Variants in CREB5 observed in about 807,000 individuals in gnomAD.
The protein encoded by CREB5 is cAMP responsive element binding protein 5.
Under a neutral mutation model 57.1 loss-of-function variants are expected in CREB5, and 19 were observed. The observed-to-expected ratio is 0.33, with a 90% CI of 0.23 to 0.49. CREB5 has a LOEUF of 0.49. Among genes scored for constraint, CREB5 ranks in the 20% least tolerant of loss-of-function variants. The pLI is 0.99. For missense variants in CREB5, 579 were observed against 671.6 expected (o/e 0.86, Z 1.52); for synonymous variants, 238 against 238.3 (o/e 1.00, Z 0.01).
intron 1 of CREB5, among the ~76,000 whole-genome samples, chr7:28,443,033 A>G (rs1399635319): frequency 6.6e-6 from 1 of 152,214 alleles, no homozygotes; most frequent in African/African-American, 2.4e-5. Context: ...AATCTTCAGA[A>G]CAACTCTATA....
chr7:28,385,504 C>G lies in CREB5; in HGVS notation c.-25+86063C>G, dbSNP rs59661956. Among the ~76,000 whole-genome samples the G allele has an allele frequency of 7.2e-3, 1,092 of 152,046 alleles. 15 individuals carry two copies. Among genetic ancestry groups the G allele is most frequent in the African/African-American group, 0.025 (1,046 of 41,498 alleles). On this transcript the variant is annotated intron_variant, in intron 1 of 9. Transcript: ENST00000396299. Reference sequence around the variant, plus strand: ...ACAGCCTGGGCAACATGGTGAAACCCTGTCTCTACAAAAAATAAAAAATTA... The same window carrying G: ...ACAGCCTGGGCAACATGGTGAAACCGTGTCTCTACAAAAAATAAAAAATTA...
rs146331705 is a variant in CREB5, at chr7:28,483,697, T to C, written c.4-4478T>C. On this transcript the variant is annotated intron_variant, in intron 1 of 10. Coordinates refer to ENST00000357727, the MANE Select transcript of CREB5 (RefSeq NM_182898.4). ...TCATACTCAGCCCACATGTGGTTAA[T>C]AGACTGGACTTTAATGATGCCAATG... is the stretch of plus-strand genomic sequence containing the variant. Among the ~76,000 whole-genome samples, 127 of 152,312 alleles carry C rather than the reference T, an allele frequency of 8.3e-4. 2 individuals carry two copies. Among genetic ancestry groups the C allele is most frequent in the African/African-American group, 3.0e-3 (125 of 41,560 alleles).
chr7:28,555,680 GCAAA>G (rs929960240), intron 4 of CREB5, among the ~76,000 whole-genome samples: 1 of 151,848 alleles, frequency 6.6e-6, no homozygotes, highest in Non-Finnish European at 1.5e-5. Context: ...AAAAAAACAG[GCAAA>G]CAAACACATA....
intron 7 of CREB5, among the ~76,000 whole-genome samples, chr7:28,743,412 A>G (rs556773994): frequency 7.0e-4 from 106 of 152,268 alleles, no homozygotes; most frequent in Admixed American, 3.6e-3. Context: ...GTGCACCTGT[A>G]GTCCCAGCTA....
rs1249574984 is a variant in CREB5, at chr7:28,494,847, G to GT, written c.76-53dup. The GT allele has an allele frequency of 2.2e-5, 24 of 1,109,790 alleles. No homozygotes were observed. The African/African-American group carries it at 3.6e-4, about 17-fold the overall frequency. 68.7% of individuals were successfully genotyped at this position (1,109,790 alleles called of 1,614,324 possible). A position where few individuals can be genotyped will look rare whatever the true frequency, so the allele number is the denominator to read the frequency against. On this transcript the variant is annotated intron_variant, in intron 2 of 10. Transcript: ENST00000357727. ...TCTTTTTCTCAATAATGGTAAATAT[G>GT]TTTTTTAAAACTGAATGGCTCCTCT...
intron 1 of CREB5, among the ~76,000 whole-genome samples, chr7:28,306,549 T>TTTTTTG (rs1346912729): frequency 5.4e-5 from 2 of 36,910 alleles, no homozygotes; most frequent in Non-Finnish European, 6.2e-5. Flanking sequence ...CAGTTTTGTT[T>TTTTTTG]TTTTTGTTTT....
intron 1 of CREB5, among the ~76,000 whole-genome samples, chr7:28,473,514 G>A (rs1490818250): frequency 6.6e-6 from 1 of 152,160 alleles, no homozygotes; most frequent in Non-Finnish European, 1.5e-5. Flanking sequence ...TGAGAACAGA[G>A]GCCTCATCCT....
At chr7:28,773,407 T>C (rs1437236812) in intron 7 of CREB5, among the ~76,000 whole-genome samples, 1 of 152,234 alleles carries the variant, frequency 6.6e-6, no homozygotes, top group African/African-American at 2.4e-5. Context: ...GCTATTCTTA[T>C]AAATTATTAA....
At chr7:28,564,071 G>GT (rs34823166) in intron 4 of CREB5, among the ~76,000 whole-genome samples, 38,110 of 152,106 alleles carry the variant, frequency 0.25, 4,994 homozygotes, top group African/African-American at 0.27. Flanking sequence ...CTTCCAGAGG[G>GT]TTAGAACCTT....
intron 10 of CREB5, chr7:28,818,705 T>G: frequency 2.2e-6 from 1 of 458,250 alleles, no homozygotes; most frequent in Non-Finnish European, 4.4e-6. Flanking sequence ...GTAGGGATGG[T>G]GGGAGGAGCA....
At chr7:28,605,816 C>T (rs774273927) in intron 5 of CREB5, among the ~76,000 whole-genome samples, 2 of 152,118 alleles carry the variant, frequency 1.3e-5, no homozygotes, top group Non-Finnish European at 2.9e-5. Flanking sequence ...GACATGAAAC[C>T]CTAGAACAGG....
intron 1 of CREB5, among the ~76,000 whole-genome samples, chr7:28,325,690 T>C (rs1785584751): frequency 6.6e-6 from 1 of 152,162 alleles, no homozygotes; most frequent in African/African-American, 2.4e-5. Flanking sequence ...AAGGGACCCT[T>C]ACTCTAGGTT....
intron 5 of CREB5, among the ~76,000 whole-genome samples, chr7:28,607,261 G>T (rs1020163127): frequency 3.3e-5 from 5 of 152,158 alleles, no homozygotes; most frequent in African/African-American, 9.7e-5. Flanking sequence ...AGAAATCTGA[G>T]CTTGTGGATA....
In CREB5 at chr7:28,421,515, T is replaced by A. The variant is rs2128009817; in HGVS notation, c.3+8598T>A. Among the ~76,000 whole-genome samples the A allele has an allele frequency of 2.0e-5, 3 of 152,126 alleles. No homozygotes were observed. The South Asian group carries it at 6.2e-4, about 32-fold the overall frequency. On this transcript the variant is annotated intron_variant, in intron 1 of 10. Coordinates refer to ENST00000357727, the MANE Select transcript of CREB5 (RefSeq NM_182898.4). ...GGAAGGTCAAAAATCTAAACAGGAC[T>A]TTTGCACTTTGGGATAATGTAGACA...
intron 1 of CREB5, among the ~76,000 whole-genome samples, chr7:28,353,591 C>G (rs1786279351): frequency 6.6e-6 from 1 of 152,042 alleles, no homozygotes; most frequent in Non-Finnish European, 1.5e-5. Context: ...CACCTGTAAT[C>G]CCAGCACTTT....
chr7:28,796,379 G>A (rs1191342485), intron 7 of CREB5, among the ~76,000 whole-genome samples: 4 of 151,948 alleles, frequency 2.6e-5, no homozygotes, highest in African/African-American at 7.3e-5. Flanking sequence ...TCCTTTGTAC[G>A]GACAAATAAT....
rs971840976 is a variant in CREB5, at chr7:28,412,526, A to G, written c.-389A>G. ...GTAGCTGCTTGCGAGGTGTTCTTCAACATTTACAACAAAGTTGATTCTGTG... is the reference window on the plus strand; with the variant it reads ...GTAGCTGCTTGCGAGGTGTTCTTCAGCATTTACAACAAAGTTGATTCTGTG... On this transcript the variant is annotated 5_prime_UTR_variant, in exon 1 of 11. Transcript: ENST00000357727. The G allele has an allele frequency of 5.9e-6, 1 of 169,466 alleles. No individual in the cohort carries two copies. The highest frequency in any genetic ancestry group is 1.3e-5 in the Non-Finnish European group (1 of 79,802). 10.5% of individuals were successfully genotyped at this position (169,466 alleles called of 1,614,324 possible). A position where few individuals can be genotyped will look rare whatever the true frequency, so the allele number is the denominator to read the frequency against.
intron 5 of CREB5, among the ~76,000 whole-genome samples, chr7:28,640,591 G>A (rs1381838014): frequency 6.6e-6 from 1 of 152,096 alleles, no homozygotes; most frequent in Non-Finnish European, 1.5e-5. Context: ...TCACAAGAAA[G>A]AACTATGAAA....
rs1170290245 is a variant in CREB5, at chr7:28,464,072, T to C, written c.4-24103T>C. Reference sequence around the variant, plus strand: ...ATTTTTGTTGTGTGTAGTTTTTCTTTTTGTAGGCAGCTTTGATGCAGTTTT... The same window carrying C: ...ATTTTTGTTGTGTGTAGTTTTTCTTCTTGTAGGCAGCTTTGATGCAGTTTT... On this transcript the variant is annotated intron_variant, in intron 1 of 10. Transcript: ENST00000357727. 6.6e-5 allele frequency among the ~76,000 whole-genome samples: 10 copies of C among 152,200 alleles called. 1 individual carries two copies. The highest frequency in any genetic ancestry group is 5.9e-4 in the Admixed American group (9 of 15,276).
Sources: gnomAD v4.1 joint callset for allele counts (sites outside exome capture counted in the v4.1 genomes callset) on GRCh38, gnomAD v4.1.1 for gene constraint, MANE v1.5 for transcripts, NCBI Gene and HGNC (gene_info 2026-07-23, HGNC 2026-07-21) for gene names.